The following PLCB4 variants were observed in gnomAD, a reference collection of about 807,000 sequenced individuals.
The protein encoded by PLCB4 is 1-phosphatidylinositol 4,5-bisphosphate phosphodiesterase beta-4.
Under a neutral mutation model 178.8 loss-of-function variants are expected in PLCB4, and 77 were observed. The ratio of observed to expected loss-of-function variants is 0.43; its 90% confidence interval spans 0.36 to 0.52. The LOEUF (loss-of-function observed/expected upper bound fraction) is 0.52. Among genes scored for constraint, PLCB4 ranks in the 20% least tolerant of loss-of-function variants. The pLI is 0.00. For missense variants in PLCB4, 1,024 were observed against 1,453.4 expected (o/e 0.70, Z 4.80); for synonymous variants, 496 against 490.8 (o/e 1.01, Z -0.14).
intron 12 of PLCB4, among the ~76,000 whole-genome samples, chr20:9,375,132 A>G (rs1450272856): frequency 6.6e-6 from 1 of 152,144 alleles, no homozygotes; most frequent in Non-Finnish European, 1.5e-5. Context: ...TAGTGAACTC[A>G]ACTGGAAGAA....
intron 26 of PLCB4, 94 bp from the exon 27 acceptor site, chr20:9,421,203 C>A (rs2040608071): frequency 1.0e-6 from 1 of 957,948 alleles, no homozygotes; most frequent in Non-Finnish European, 1.6e-6. Flanking sequence ...CCTGCTCCCA[C>A]CCAAAAGACA....
At chr20:9,206,649 G>T (rs1224842258) in intron 2 of PLCB4, among the ~76,000 whole-genome samples, 1 of 152,134 alleles carries the variant, frequency 6.6e-6, no homozygotes, top group East Asian at 1.9e-4. Context: ...GGGGAAATTA[G>T]GTAGGCAGAG....
At chr20:9,256,774 A>G (rs1040622822) in intron 3 of PLCB4, among the ~76,000 whole-genome samples, 2 of 152,226 alleles carry the variant, frequency 1.3e-5, no homozygotes, top group Non-Finnish European at 1.5e-5. Flanking sequence ...TTTTATGTAA[A>G]TGTTGTATAA....
At chr20:9,445,066 A>G (rs2276477) in intron 32 of PLCB4, among the ~76,000 whole-genome samples, 36,346 of 152,142 alleles carry the variant, frequency 0.24, 5,209 homozygotes, top group African/African-American at 0.39. Flanking sequence ...GAAAAATTAC[A>G]AGAGCTAGTT....
chr20:9,399,305 C>A (rs944317556), intron 19 of PLCB4, among the ~76,000 whole-genome samples: 2 of 152,200 alleles, frequency 1.3e-5, no homozygotes, highest in African/African-American at 4.8e-5. Context: ...TGGCACAAGG[C>A]TCCTGTTTCA....
At chr20:9,213,347 G>A (rs1350750204) in intron 2 of PLCB4, among the ~76,000 whole-genome samples, 1 of 141,112 alleles carries the variant, frequency 7.1e-6, no homozygotes, top group African/African-American at 3.2e-5. Flanking sequence ...ATTTCACTAT[G>A]TTGGCTAGGC....
chr20:9,107,617 G>T (rs2091414775), intron 2 of PLCB4, among the ~76,000 whole-genome samples: 1 of 152,120 alleles, frequency 6.6e-6, no homozygotes, highest in Non-Finnish European at 1.5e-5. Context: ...GCCCCGGATT[G>T]AACATGAGGA....
intron 21 of PLCB4, among the ~76,000 whole-genome samples, chr20:9,406,270 T>C (rs2039429996): frequency 6.6e-6 from 1 of 152,106 alleles, no homozygotes; most frequent in Admixed American, 6.5e-5. Flanking sequence ...GCTCAGCTCA[T>C]AGCACTGGTG....
intron 2 of PLCB4, among the ~76,000 whole-genome samples, chr20:9,144,177 G>A (rs558323148): frequency 3.3e-5 from 5 of 152,220 alleles, no homozygotes; most frequent in African/African-American, 1.2e-4. Context: ...TGAAAGTTTA[G>A]TAAGTTTCTG....
chr20:9,325,931 T>C (rs2030458836), intron 4 of PLCB4, among the ~76,000 whole-genome samples: 1 of 152,222 alleles, frequency 6.6e-6, no homozygotes, highest in African/African-American at 2.4e-5. Flanking sequence ...GCTGCGATGC[T>C]TAACATCAAG....
At chr20:9,254,167 G>T (rs958077784) in intron 3 of PLCB4, among the ~76,000 whole-genome samples, 9 of 152,154 alleles carry the variant, frequency 5.9e-5, no homozygotes, top group African/African-American at 2.2e-4. Context: ...AATTTAGGCT[G>T]TATAAAAGTT....
intron 2 of PLCB4, among the ~76,000 whole-genome samples, chr20:9,114,718 C>G (rs118034237): frequency 1.3e-5 from 2 of 152,130 alleles, no homozygotes; most frequent in African/African-American, 2.4e-5. Flanking sequence ...GCACTCTTCC[C>G]CCAACCCCAA....
intron 7 of PLCB4, among the ~76,000 whole-genome samples, chr20:9,352,873 G>A (rs1463805124): frequency 1.3e-5 from 2 of 152,086 alleles, no homozygotes; most frequent in African/African-American, 4.8e-5. Context: ...CTAATAGATG[G>A]CAGCTTCTTT....
At position 9,091,248 on chromosome 20, in the gene PLCB4, A is replaced by C. The variant is rs546685387; in HGVS notation, c.-134-5039A>C. On this transcript the variant is annotated intron_variant, in intron 1 of 39. Transcript: ENST00000378473. ...AAAAAAACATGCCATAGGTATGTAGAGCCTTTATAAGTCTCGACAACTGTA... is the reference window on the plus strand; with the variant it reads ...AAAAAAACATGCCATAGGTATGTAGCGCCTTTATAAGTCTCGACAACTGTA... Among the ~76,000 whole-genome samples the C allele has an allele frequency of 9.9e-5, 15 of 152,118 alleles. No individual in the cohort carries two copies. In the East Asian group the frequency reaches 2.5e-3, roughly 25 times the overall value.
chr20:9,132,528 G>C (rs1409960131), intron 2 of PLCB4, among the ~76,000 whole-genome samples: 1 of 152,080 alleles, frequency 6.6e-6, no homozygotes, highest in Non-Finnish European at 1.5e-5. Context: ...TTGTAAAGAT[G>C]GTTAACATAA....
chr20:9,220,491 C>T (rs934840528), intron 3 of PLCB4, among the ~76,000 whole-genome samples: 3 of 152,118 alleles, frequency 2.0e-5, no homozygotes, highest in Admixed American at 1.3e-4. Context: ...AAAAAGTTAG[C>T]TGGGCATGGT....
At chr20:9,173,468 C>CT (rs966263117) in intron 2 of PLCB4, among the ~76,000 whole-genome samples, 5 of 152,202 alleles carry the variant, frequency 3.3e-5, no homozygotes, top group Non-Finnish European at 5.9e-5. Flanking sequence ...CTGTAACAAA[C>CT]TGCCGTAAAC....
intron 4 of PLCB4, among the ~76,000 whole-genome samples, chr20:9,333,143 T>G (rs2031943630): frequency 6.6e-6 from 1 of 152,202 alleles, no homozygotes; most frequent in South Asian, 2.1e-4. Flanking sequence ...GCAAAATCTT[T>G]TATTTAAAAA....
intron 28 of PLCB4, among the ~76,000 whole-genome samples, chr20:9,432,279 C>A (rs2041474944): frequency 6.6e-6 from 1 of 152,094 alleles, no homozygotes; most frequent in African/African-American, 2.4e-5. Context: ...TCTTTAATGT[C>A]TTGCTTTATT....
Sources: allele counts gnomAD v4.1 joint callset (sites outside exome capture counted in the v4.1 genomes callset), GRCh38; gene constraint gnomAD v4.1.1; transcripts MANE v1.5; gene names NCBI Gene and HGNC (gene_info 2026-07-23, HGNC 2026-07-21).